Variants in TMEM260 observed in about 807,000 individuals in gnomAD.
TMEM260 encodes transmembrane protein 260.
Under a neutral mutation model 88.9 loss-of-function variants are expected in TMEM260, and 82 were observed. That is an observed-to-expected ratio of 0.92 (90% CI 0.77 to 1.11). TMEM260 has a LOEUF of 1.11. Among genes scored for constraint, TMEM260 ranks in the 50% least tolerant of loss-of-function variants. The pLI is 0.00. For synonymous variants in TMEM260, 314 were observed against 309.3 expected, an observed-to-expected ratio of 1.02 and a Z score of -0.16; for missense variants, 902 against 853.4, an observed-to-expected ratio of 1.06 and a Z score of -0.71.
intron 11 of TMEM260, 46 bp downstream of exon 11, chr14:56,621,748 A>T: frequency 1.3e-6 from 2 of 1,527,166 alleles, no homozygotes; most frequent in Non-Finnish European, 1.8e-6. Context: ...TGATTTAAAA[A>T]CATATGTTTT....
chr14:56,631,105 G>T (rs1888562219), intron 12 of TMEM260, among the ~76,000 whole-genome samples: 1 of 151,284 alleles, frequency 6.6e-6, no homozygotes, highest in African/African-American at 2.5e-5. Flanking sequence ...TAAAGCAGGA[G>T]TAAAAGTTTA....
downstream of TMEM260, among the ~76,000 whole-genome samples, chr14:56,652,362 G>A (rs775640836): frequency 4.6e-5 from 7 of 152,064 alleles, no homozygotes; most frequent in African/African-American, 9.7e-5. Context: ...GCAGGGCAAG[G>A]TGGCATGCAC....
intron 3 of TMEM260, among the ~76,000 whole-genome samples, chr14:56,594,923 A>G (rs1490377245): frequency 6.6e-6 from 1 of 152,226 alleles, no homozygotes; most frequent in Non-Finnish European, 1.5e-5. Flanking sequence ...AATTTTTTAT[A>G]GAGTATGTCT....
At chr14:56,644,072 C>A (rs2139655103) in intron 15 of TMEM260, among the ~76,000 whole-genome samples, 1 of 152,234 alleles carries the variant, frequency 6.6e-6, no homozygotes, top group Admixed American at 6.5e-5. Context: ...GTGAAAATGG[C>A]CATACTGCCC....
intron 14 of TMEM260, 62 bp downstream of exon 14, chr14:56,635,014 G>A (rs1356080729): frequency 6.8e-7 from 1 of 1,465,504 alleles, no homozygotes; most frequent in East Asian, 2.3e-5. Context: ...AGTAGCTTAT[G>A]GCACTTTTAA....
intron 3 of TMEM260, among the ~76,000 whole-genome samples, chr14:56,589,284 G>A (rs79515159): frequency 0.011 from 1,665 of 152,186 alleles, 11 homozygotes; most frequent in Admixed American, 0.018. Context: ...TTACAGTGCA[G>A]GGGATGTATT....
intron 7 of TMEM260, chr14:56,613,440 A>G (rs1485133437): frequency 3.3e-5 from 5 of 152,230 alleles, no homozygotes; most frequent in African/African-American, 4.8e-5. Flanking sequence ...CAGGTAAGCA[A>G]AAATAAGAAA....
At chr14:56,634,009 C>CA (rs1159004729) in intron 13 of TMEM260, among the ~76,000 whole-genome samples, 2 of 152,198 alleles carry the variant, frequency 1.3e-5, no homozygotes, top group African/African-American at 4.8e-5. Context: ...ATGATCAAAA[C>CA]ACTCTGCAGC....
chr14:56,604,184 C>T (rs192972094), intron 4 of TMEM260, among the ~76,000 whole-genome samples, 192 bp downstream of exon 4: 6 of 151,846 alleles, frequency 4.0e-5, no homozygotes, highest in Admixed American at 1.3e-4. Flanking sequence ...TAAAACATGG[C>T]GCTTTTCTTC....
At chr14:56,609,675 CTTA>C (rs976669359) in intron 6 of TMEM260, among the ~76,000 whole-genome samples, 17 of 152,104 alleles carry the variant, frequency 1.1e-4, no homozygotes, top group African/African-American at 3.1e-4. Flanking sequence ...CAAACCACTT[CTTA>C]TTATTATTTA....
chr14:56,601,556 T>A (rs1886577396), intron 3 of TMEM260, among the ~76,000 whole-genome samples: 1 of 152,172 alleles, frequency 6.6e-6, no homozygotes. Context: ...ACTATACATA[T>A]TCTGTTACTC....
At chr14:56,632,200 C>T (rs1445232960) in intron 12 of TMEM260, among the ~76,000 whole-genome samples, 1 of 152,310 alleles carries the variant, frequency 6.6e-6, no homozygotes, top group Middle Eastern at 3.4e-3. Flanking sequence ...CTTGCTGGGG[C>T]CTTCCTTTTT....
intron 12 of TMEM260, among the ~76,000 whole-genome samples, chr14:56,630,008 T>G (rs1888482669): frequency 1.3e-5 from 2 of 149,550 alleles, no homozygotes; most frequent in South Asian, 4.2e-4. Context: ...GCCACTGCAC[T>G]CCAGCCTAGG....
chr14:56,593,703 T>C (rs997367840), intron 3 of TMEM260, among the ~76,000 whole-genome samples: 66 of 137,682 alleles, frequency 4.8e-4, no homozygotes, highest in Middle Eastern at 3.8e-3. Context: ...TTTTTTTTTT[T>C]TTGAGACTGA....
At chr14:56,631,643 C>G (rs1888610842) in intron 12 of TMEM260, among the ~76,000 whole-genome samples, 2 of 148,400 alleles carry the variant, frequency 1.3e-5, no homozygotes, top group African/African-American at 2.5e-5. Flanking sequence ...AAAAAAGAGA[C>G]TGTGCAGTGT....
At chr14:56,613,634 A>G (rs1887417365) in intron 7 of TMEM260, 1 of 152,164 alleles carries the variant, frequency 6.6e-6, no homozygotes, top group African/African-American at 2.4e-5. Flanking sequence ...CCTCCTTGCC[A>G]TCAGTTACTT....
the TMEM260 span, among the ~76,000 whole-genome samples, chr14:56,658,326 C>T: frequency 3.6e-4 from 55 of 152,170 alleles, no homozygotes; most frequent in African/African-American, 1.3e-3. Flanking sequence ...CAGCTGACTG[C>T]ATACTCCACC....
rs774307167 is a variant in TMEM260 at position 56,647,517 on chromosome 14, C to T, written c.*20C>T. The T allele has an allele frequency of 3.2e-6, 5 of 1,564,830 alleles. No individual in the cohort carries two copies. In the South Asian group the frequency reaches 6.0e-5, roughly 19 times the overall value. Reference sequence around the variant, plus strand: ...GTCTGAGACAGCAAAATATGAAAAACCTGCTCATCGTTCAGCTTCCAAAAT... The same window carrying T: ...GTCTGAGACAGCAAAATATGAAAAATCTGCTCATCGTTCAGCTTCCAAAAT... On this transcript the variant is annotated 3_prime_UTR_variant, in exon 16 of 16. Transcript: ENST00000261556.
At chr14:56,649,852 CTCTT>C (rs1265210038), downstream of TMEM260, among the ~76,000 whole-genome samples, 2 of 152,182 alleles carry the variant, frequency 1.3e-5, no homozygotes, top group Non-Finnish European at 2.9e-5. Context: ...GGGCCACTCT[CTCTT>C]TGAGAAACCA....
Sources: allele counts gnomAD v4.1 joint callset (sites outside exome capture counted in the v4.1 genomes callset), GRCh38; gene constraint gnomAD v4.1.1; transcripts MANE v1.5; gene names NCBI Gene and HGNC (gene_info 2026-07-23, HGNC 2026-07-21).